DOCK8: variants seen among roughly 807,000 people sequenced by gnomAD.
DOCK8 encodes the protein dedicator of cytokinesis 8.
A neutral mutation model predicts 245.6 loss-of-function variants in DOCK8; 141 were observed. That is an observed-to-expected ratio of 0.57 (90% CI 0.50 to 0.66). DOCK8 has a LOEUF of 0.66. Ranked by LOEUF, DOCK8 falls within the 30% of genes least tolerant of loss-of-function variation. DOCK8 has a pLI of 0.00. For synonymous variants in DOCK8, 1,168 were observed against 970.2 expected, an observed-to-expected ratio of 1.20 and a Z score of -3.79; for missense variants, 2,965 against 2,603.4, an observed-to-expected ratio of 1.14 and a Z score of -3.02.
Position 452,068 on chromosome 9 carries a change from T to TATC in DOCK8, c.6020_6022dup (p.Tyr2007_Arg2008insHis). ...TGAAATTCCTGCTGATCCAAAACTC[T>TATC]ATCGACATCACAACAAGTTGAGGTT... On this transcript the variant is annotated inframe_insertion, in exon 46 of 48. Transcript: ENST00000432829. 6.2e-7 allele frequency: 1 copy of TATC among 1,603,892 alleles called. No homozygotes were observed. The highest frequency in any genetic ancestry group is 8.5e-7 in the Non-Finnish European group (1 of 1,174,600).
chr9:267,943 A>AGT (rs1282226083), intron 1 of DOCK8: 1 of 152,256 alleles, frequency 6.6e-6, no homozygotes. Flanking sequence ...GTTAGATAAA[A>AGT]GAGTAACAGC....
intron 22 of DOCK8, among the ~76,000 whole-genome samples, chr9:384,403 A>G (rs1038776598): frequency 6.6e-6 from 1 of 152,220 alleles, no homozygotes; most frequent in African/African-American, 2.4e-5. Flanking sequence ...CTCTAGGTTT[A>G]GACACAGACA....
intron 1 of DOCK8, among the ~76,000 whole-genome samples, chr9:266,514 A>C (rs2048037586): frequency 6.6e-6 from 1 of 152,250 alleles, no homozygotes; most frequent in Non-Finnish European, 1.5e-5. Flanking sequence ...AAGAGATGCT[A>C]ATACAGGACT....
At chr9:271,606 A>G in intron 1 of DOCK8, 21 bp from the exon 2 acceptor site, 8 of 1,470,772 alleles carry the variant, frequency 5.4e-6, no homozygotes, top group Non-Finnish European at 7.4e-6. Context: ...TTTCATTTAG[A>G]TTTTTCTATT....
At chr9:214,698 C>G (rs994931277), upstream of DOCK8, 4 of 1,565,782 alleles carry the variant, frequency 2.6e-6, no homozygotes, top group East Asian at 9.6e-5. Context: ...GCCGTCTGCC[C>G]CAGTATCGGG....
Position 328,163 on chromosome 9 carries a change from G to A in DOCK8, c.1036G>A (p.Val346Ile), listed in dbSNP as rs148994877. ...VTYPSSDIYLVVKIEKVLQQG... is the reference protein window; with the variant it reads ...VTYPSSDIYLIVKIEKVLQQG... Reference sequence around the variant, plus strand: ...CTACCCGTCCTCAGACATCTACCTGGTAGTCAAGGTAATTCAGTACGATCT... The same window carrying A: ...CTACCCGTCCTCAGACATCTACCTGATAGTCAAGGTAATTCAGTACGATCT... The change falls in exon 9 of 48, where the codon GTA becomes ATA. Residue 346 changes from valine to isoleucine, a missense_variant. This residue lies in a region of DOCK8 where 2,825 missense variants were observed against 2,453.5 expected (regional missense o/e 1.15). Transcript: ENST00000432829. 139 of 1,613,702 alleles carry A rather than the reference G, an allele frequency of 8.6e-5. No individual in the cohort carries two copies. The East Asian group carries it at 1.2e-3, about 14-fold the overall frequency.
intron 1 of DOCK8, among the ~76,000 whole-genome samples, chr9:219,254 G>C (rs2046831780): frequency 6.6e-6 from 1 of 152,172 alleles, no homozygotes; most frequent in Admixed American, 6.5e-5. Context: ...ACGATCACCT[G>C]AGGTCAGGAG....
chr9:323,879 T>G (rs1472987001), intron 7 of DOCK8, among the ~76,000 whole-genome samples: 1 of 152,280 alleles, frequency 6.6e-6, no homozygotes, highest in African/African-American at 2.4e-5. Context: ...TGTATATATG[T>G]AGCATATTTT....
At chr9:223,420 G>C (rs1175417649) in intron 1 of DOCK8, among the ~76,000 whole-genome samples, 1 of 152,080 alleles carries the variant, frequency 6.6e-6, no homozygotes, top group East Asian at 1.9e-4. Context: ...GGAGTGAGGA[G>C]ATTTACTCAA....
intron 23 of DOCK8, among the ~76,000 whole-genome samples, chr9:390,052 C>A (rs1303563167): frequency 6.6e-6 from 1 of 151,204 alleles, no homozygotes; most frequent in Non-Finnish European, 1.5e-5. Flanking sequence ...CTGCTGCCAC[C>A]AACCAACTGA....
rs550774975 is a variant in DOCK8, at chr9:378,813, G to A, written c.2441-958G>A. On this transcript the variant is annotated intron_variant, in intron 20 of 47. Coordinates refer to ENST00000432829, the MANE Select transcript of DOCK8 (RefSeq NM_203447.4). ...TATTCAGAACCTATTCTGTGTCTCT[G>A]CAATGGAAAGCACAGTGGGGGCACA... Among the ~76,000 whole-genome samples the A allele has an allele frequency of 5.9e-5, 9 of 152,372 alleles. 1 individual carries two copies. Among genetic ancestry groups the A allele is most frequent in the African/African-American group, 2.2e-4 (9 of 41,584 alleles).
intron 1 of DOCK8, among the ~76,000 whole-genome samples, chr9:255,127 A>C (rs1373599614): frequency 6.6e-6 from 1 of 152,190 alleles, no homozygotes; most frequent in Non-Finnish European, 1.5e-5. Flanking sequence ...AAAAAAGAAA[A>C]AGAAAAAAAG....
chr9:382,721 G>C (rs753378638), intron 22 of DOCK8, 36 bp downstream of exon 22: 1 of 1,610,566 alleles, frequency 6.2e-7, no homozygotes, highest in Non-Finnish European at 8.5e-7. Context: ...GGGGACACAG[G>C]CTTTTTTATT....
At chr9:438,451 G>A (rs925296710) in intron 39 of DOCK8, among the ~76,000 whole-genome samples, 2 of 152,196 alleles carry the variant, frequency 1.3e-5, no homozygotes, top group African/African-American at 4.8e-5. Context: ...TTCCATAGCT[G>A]TGAGCTAGGA....
chr9:262,090 A>G (rs988299407), intron 1 of DOCK8, among the ~76,000 whole-genome samples: 1 of 152,124 alleles, frequency 6.6e-6, no homozygotes, highest in African/African-American at 2.4e-5. Context: ...AACCTAAAAT[A>G]AAAGTTAAAT....
At chr9:353,299 T>C (rs1252349273) in intron 14 of DOCK8, among the ~76,000 whole-genome samples, 1 of 152,222 alleles carries the variant, frequency 6.6e-6, no homozygotes, top group Non-Finnish European at 1.5e-5. Context: ...GGCCAATTTA[T>C]TTCCCAGCAG....
At position 418,193 on chromosome 9, in the gene DOCK8, G is replaced by T. The variant is rs148796842; in HGVS notation, c.3826G>T (p.Val1276Leu). 329 of 1,614,202 alleles carry T rather than the reference G, an allele frequency of 2.0e-4. 2 individuals carry two copies. In the African/African-American group the frequency reaches 3.5e-3, roughly 17 times the overall value. ...TTTCAATTTGAAAACAAGTGGAATA[G>T]TGCTGTCTTCCTTGGTATGTTGGTG... ...NNFNLKTSGI[V>L]LSSLPYKQYN... The change falls in exon 30 of 48, where the codon GTG (valine) becomes TTG (leucine). Residue 1276 changes from valine (V) to leucine (L), a missense_variant. By Grantham distance (32) the Val-to-Leu change is conservative (BLOSUM62 1). This residue lies in a region of DOCK8 where 2,825 missense variants were observed against 2,453.5 expected (regional missense o/e 1.15). Coordinates refer to ENST00000432829, the MANE Select transcript of DOCK8 (RefSeq NM_203447.4).
intron 1 of DOCK8, among the ~76,000 whole-genome samples, chr9:267,519 T>C (rs892907211): frequency 1.3e-5 from 2 of 152,242 alleles, no homozygotes; most frequent in African/African-American, 4.8e-5. Context: ...TGGATTTTTT[T>C]AAAATTATGA....
chr9:370,535 G>C (rs1226570838), intron 16 of DOCK8, among the ~76,000 whole-genome samples: 1 of 152,176 alleles, frequency 6.6e-6, no homozygotes, highest in Non-Finnish European at 1.5e-5. Flanking sequence ...TTTTCCAGAA[G>C]CTTCTATTCT....
Sources: gnomAD v4.1 joint callset for allele counts (sites outside exome capture counted in the v4.1 genomes callset) on GRCh38, gnomAD v4.1.1 for gene constraint, gnomAD v4.1.1 regional missense constraint, MANE v1.5 for transcripts, NCBI Gene and HGNC (gene_info 2026-07-23, HGNC 2026-07-21) for gene names.